GALNTL6: variants seen among roughly 807,000 people sequenced by gnomAD.
The protein encoded by GALNTL6 is polypeptide N-acetylgalactosaminyltransferase like 6.
Under a neutral mutation model 73.7 loss-of-function variants are expected in GALNTL6, and 46 were observed. The ratio of observed to expected loss-of-function variants is 0.62; its 90% CI spans 0.49 to 0.80. GALNTL6 has a LOEUF of 0.80. Among genes scored for constraint, GALNTL6 ranks in the 30% least tolerant of loss-of-function variants. GALNTL6 has a pLI of 0.00. For missense variants in GALNTL6, 604 were observed against 755.0 expected (o/e 0.80, Z 2.34); for synonymous variants, 259 against 263.7 (o/e 0.98, Z 0.17).
chr4:172,310,581 G>A (rs748653767), intron 3 of GALNTL6, among the ~76,000 whole-genome samples: 5 of 151,832 alleles, frequency 3.3e-5, no homozygotes, highest in Non-Finnish European at 5.9e-5. Context: ...TCAATAAATA[G>A]TATTTCTATA....
chr4:172,635,614 C>G (rs1172599364), intron 5 of GALNTL6, among the ~76,000 whole-genome samples: 1 of 152,066 alleles, frequency 6.6e-6, no homozygotes, highest in Non-Finnish European at 1.5e-5. Context: ...TCATATGGCT[C>G]TATTATTTTT....
intron 10 of GALNTL6, among the ~76,000 whole-genome samples, chr4:172,970,283 G>A (rs560164776): frequency 9.8e-5 from 15 of 152,288 alleles, no homozygotes; most frequent in East Asian, 3.9e-4. Context: ...AACAGGGTTC[G>A]AGAGCAGAGA....
intron 5 of GALNTL6, among the ~76,000 whole-genome samples, chr4:172,804,760 C>A (rs936904030): frequency 1.3e-5 from 2 of 152,160 alleles, no homozygotes; most frequent in African/African-American, 4.8e-5. Context: ...AGATTTAAAT[C>A]TTTGATGAAC....
rs576251912 is a variant in GALNTL6 at position 172,852,263 on chromosome 4, G to T, written c.924-30527G>T. Among the ~76,000 whole-genome samples the T allele has an allele frequency of 6.9e-4, 105 of 152,234 alleles. 1 individual carries two copies. The highest frequency in any genetic ancestry group is 2.4e-3 in the African/African-American group (99 of 41,546). ...TTTCAGGGGCAGCCTTATTTGAGGG[G>T]CCTACATTTGAGTCCCAGGTTCCTT... On this transcript the variant is annotated intron_variant, in intron 7 of 12. Transcript: ENST00000506823.
chr4:171,814,985 T>A (rs928768348), intron 2 of GALNTL6: 5 of 536,518 alleles, frequency 9.3e-6, no homozygotes, highest in African/African-American at 3.8e-5. Context: ...TGGTCTTAGG[T>A]TGATTTTGAC....
At chr4:172,468,988 A>G (rs1186865255) in intron 5 of GALNTL6, among the ~76,000 whole-genome samples, 1 of 152,166 alleles carries the variant, frequency 6.6e-6, no homozygotes, top group Non-Finnish European at 1.5e-5. Flanking sequence ...TACTATTTTT[A>G]TGAGACTTAA....
Position 172,366,283 on chromosome 4 carries a change from C to G in GALNTL6, c.553+17594C>G, listed in dbSNP as rs77092605. Among the ~76,000 whole-genome samples, 942 of 152,216 alleles carry G rather than the reference C, an allele frequency of 6.2e-3. 7 individuals carry two copies. The highest frequency in any genetic ancestry group is 0.021 in the African/African-American group (853 of 41,534). ...AACTAGTTTCCCATCTTTGTATTTT[C>G]TATATCTGGCAAATGTGTATAGATC... On this transcript the variant is annotated intron_variant, in intron 5 of 12. Coordinates refer to ENST00000506823, the MANE Select transcript of GALNTL6 (RefSeq NM_001034845.3).
At chr4:172,773,249 C>A (rs1224339338) in intron 5 of GALNTL6, among the ~76,000 whole-genome samples, 2 of 152,052 alleles carry the variant, frequency 1.3e-5, no homozygotes, top group African/African-American at 4.8e-5. Flanking sequence ...ACCCAGCCTG[C>A]AGTACAGTGG....
chr4:172,050,225 T>C (rs1382053886), intron 2 of GALNTL6, among the ~76,000 whole-genome samples: 1 of 152,086 alleles, frequency 6.6e-6, no homozygotes, highest in Admixed American at 6.6e-5. Context: ...AAGGAAGGCA[T>C]TTATTTGCAG....
At chr4:172,376,827 C>T (rs1033433440) in intron 5 of GALNTL6, among the ~76,000 whole-genome samples, 4 of 152,118 alleles carry the variant, frequency 2.6e-5, no homozygotes, top group African/African-American at 9.7e-5. Flanking sequence ...CGCAGACCCT[C>T]GTGATAAGTA....
At chr4:172,525,777 G>A (rs895761287) in intron 5 of GALNTL6, among the ~76,000 whole-genome samples, 3 of 152,022 alleles carry the variant, frequency 2.0e-5, no homozygotes, top group African/African-American at 7.2e-5. Context: ...GTGGGAGGAT[G>A]GCTTAAGCCC....
At position 172,348,651 on chromosome 4, in the gene GALNTL6, T is replaced by G; in HGVS notation, c.515T>G (p.Ile172Arg). ...ATTAACCGAACCCCAGGGAGTCTGATAGCAGAAATCATTCTAGTAGATGAC... is the reference window on the plus strand; with the variant it reads ...ATTAACCGAACCCCAGGGAGTCTGAGAGCAGAAATCATTCTAGTAGATGAC... The part of the protein sequence containing the change: ...SIINRTPGSL[I>R]AEIILVDDFS... The change falls in exon 5 of 13, where the codon ATA becomes AGA. Residue 172 changes from isoleucine (I) to arginine (R), a missense_variant. Physicochemically the swap from Ile to Arg is moderately conservative, Grantham distance 97. This residue lies in a region of GALNTL6 where 179 missense variants were observed against 230.8 expected (regional missense o/e 0.78). Transcript: ENST00000506823. The G allele has an allele frequency of 6.2e-7, 1 of 1,611,832 alleles. No individual in the cohort carries two copies. The highest frequency in any genetic ancestry group is 8.5e-7 in the Non-Finnish European group (1 of 1,178,698).
At chr4:171,824,080 TA>T (rs1734760187) in intron 2 of GALNTL6, among the ~76,000 whole-genome samples, 1 of 17,196 alleles carries the variant, frequency 5.8e-5, no homozygotes, top group African/African-American at 7.8e-5. Flanking sequence ...ATCCATTTTA[TA>T]TATATATATA....
intron 10 of GALNTL6, among the ~76,000 whole-genome samples, chr4:172,969,954 G>A (rs1256414000): frequency 6.6e-6 from 1 of 152,204 alleles, no homozygotes; most frequent in Non-Finnish European, 1.5e-5. Context: ...ACCACAAAGA[G>A]AGGAATTTTA....
chr4:172,441,989 T>C (rs1337866949), intron 5 of GALNTL6, among the ~76,000 whole-genome samples: 1 of 152,176 alleles, frequency 6.6e-6, no homozygotes, highest in African/African-American at 2.4e-5. Context: ...AGGGAAATGA[T>C]AGACCCTTCT....
At chr4:172,189,115 T>G (rs1366876414) in intron 2 of GALNTL6, among the ~76,000 whole-genome samples, 1 of 150,422 alleles carries the variant, frequency 6.6e-6, no homozygotes, top group East Asian at 1.9e-4. Context: ...ATTATCCATT[T>G]TGGGAAAAAA....
intron 6 of GALNTL6, among the ~76,000 whole-genome samples, chr4:172,812,556 T>C (rs1407479529): frequency 1.3e-5 from 2 of 152,014 alleles, no homozygotes; most frequent in Non-Finnish European, 2.9e-5. Context: ...TTGCCAGCTG[T>C]TAATGTCATC....
intron 5 of GALNTL6, among the ~76,000 whole-genome samples, chr4:172,787,938 G>A (rs1050645495): frequency 3.9e-5 from 6 of 152,142 alleles, no homozygotes; most frequent in African/African-American, 1.4e-4. Flanking sequence ...AATAATTTTA[G>A]AGACAATAGA....
chr4:172,368,689 G>C lies in GALNTL6; in HGVS notation c.553+20000G>C, dbSNP rs554799313. ...GAGTGTTACAGTTCTTAAAGATGTT[G>C]TAGCCGGAGTTTGTTCCTTCAGATG... On this transcript the variant is annotated intron_variant, in intron 5 of 12. Transcript: ENST00000506823. Among the ~76,000 whole-genome samples, 506 of 152,032 alleles carry C rather than the reference G, an allele frequency of 3.3e-3. 3 individuals carry two copies. Among genetic ancestry groups the C allele is most frequent in the African/African-American group, 0.011 (468 of 41,426 alleles).
Sources: allele counts gnomAD v4.1 joint callset (sites outside exome capture counted in the v4.1 genomes callset), GRCh38; gene constraint gnomAD v4.1.1; regional missense constraint gnomAD v4.1.1; transcripts MANE v1.5; gene names NCBI Gene and HGNC (gene_info 2026-07-23, HGNC 2026-07-21).